KLHL20: variants seen among roughly 807,000 people sequenced by gnomAD.
KLHL20 encodes the protein kelch like family member 20, also known as kelch-like protein 20.
A neutral mutation model predicts 69.5 loss-of-function variants in KLHL20; 29 were observed. The observed-to-expected ratio is 0.42, with a 90% CI of 0.31 to 0.57. The LOEUF (loss-of-function observed/expected upper bound fraction) is 0.57, where lower values mean the gene tolerates loss of function less well. Among genes scored for constraint, KLHL20 ranks in the 20% least tolerant of loss-of-function variants. The probability of loss-of-function intolerance (pLI) is 0.18; values close to 1 mark genes in which losing one functional copy is unlikely to be tolerated. For missense variants in KLHL20, 419 were observed against 776.0 expected (o/e 0.54, Z 5.47); for synonymous variants, 253 against 265.2 (o/e 0.95, Z 0.45).
At chr1:173,774,902 C>A (rs1294537823) in intron 9 of KLHL20, among the ~76,000 whole-genome samples, 1 of 152,172 alleles carries the variant, frequency 6.6e-6, no homozygotes, top group Non-Finnish European at 1.5e-5. Flanking sequence ...CCTCTACCTC[C>A]CGGACTCAAG....
At chr1:173,732,483 G>T (rs1310958696) in intron 2 of KLHL20, among the ~76,000 whole-genome samples, 2 of 152,132 alleles carry the variant, frequency 1.3e-5, no homozygotes, top group Admixed American at 1.3e-4. Context: ...ATAACCTGCA[G>T]TTTACGAGGG....
chr1:173,730,625 T>G (rs1378122443), intron 2 of KLHL20, among the ~76,000 whole-genome samples: 1 of 152,204 alleles, frequency 6.6e-6, no homozygotes, highest in Non-Finnish European at 1.5e-5. Context: ...GGGGAAAGGA[T>G]TCCCTATTTA....
chr1:173,725,625 A>C (rs952848259), intron 2 of KLHL20, among the ~76,000 whole-genome samples: 1 of 152,232 alleles, frequency 6.6e-6, no homozygotes, highest in African/African-American at 2.4e-5. Flanking sequence ...GCAGCTTCTA[A>C]AGAATATGTC....
chr1:173,752,033 C>A (rs112523660), intron 4 of KLHL20, 111 bp downstream of exon 4: 1 of 933,352 alleles, frequency 1.1e-6, no homozygotes, highest in Non-Finnish European at 1.6e-6. Flanking sequence ...GTCAAGAGAT[C>A]GAGACCATCC....
At chr1:173,780,474 AAGAC>A (rs745314537) in intron 10 of KLHL20, among the ~76,000 whole-genome samples, 81 of 152,160 alleles carry the variant, frequency 5.3e-4, no homozygotes, top group Non-Finnish European at 8.1e-4. Flanking sequence ...GCTTTTCTAA[AAGAC>A]AGACAGAAAA....
chr1:173,739,168 A>G (rs1020296701), intron 3 of KLHL20, among the ~76,000 whole-genome samples: 2 of 151,678 alleles, frequency 1.3e-5, no homozygotes, highest in Non-Finnish European at 2.9e-5. Flanking sequence ...CACCTCCCAC[A>G]TTCAAGCGAT....
intron 1 of KLHL20, 138 bp from the exon 2 acceptor site, chr1:173,715,865 C>T: frequency 1.7e-6 from 1 of 577,380 alleles, no homozygotes; most frequent in Non-Finnish European, 3.1e-6. Context: ...AGTTATTGTG[C>T]ATCTGCAGAA....
intron 5 of KLHL20, among the ~76,000 whole-genome samples, chr1:173,755,446 A>G (rs1252061332): frequency 6.6e-6 from 1 of 152,162 alleles, no homozygotes; most frequent in Non-Finnish European, 1.5e-5. Flanking sequence ...TAAACCATTC[A>G]TATGTTACCA....
At chr1:173,717,169 CTGAT>C (rs1372230894) in intron 2 of KLHL20, among the ~76,000 whole-genome samples, 3 of 152,178 alleles carry the variant, frequency 2.0e-5, no homozygotes, top group Admixed American at 6.5e-5. Context: ...GCAAAACCCA[CTGAT>C]TGTGTCTCAT....
At chr1:173,724,551 C>G (rs1168664236) in intron 2 of KLHL20, among the ~76,000 whole-genome samples, 4 of 152,108 alleles carry the variant, frequency 2.6e-5, no homozygotes, top group Non-Finnish European at 4.4e-5. Flanking sequence ...ATACAAAAAT[C>G]CAAATATCTT....
chr1:173,729,007 G>A (rs1672118312), intron 2 of KLHL20, among the ~76,000 whole-genome samples: 1 of 151,986 alleles, frequency 6.6e-6, no homozygotes, highest in Non-Finnish European at 1.5e-5. Context: ...GAAAAGAGAA[G>A]AATCAAATAG....
chr1:173,750,386 T>C (rs1673251628), intron 3 of KLHL20, among the ~76,000 whole-genome samples: 1 of 152,182 alleles, frequency 6.6e-6, no homozygotes, highest in Non-Finnish European at 1.5e-5. Flanking sequence ...TACGGCGTAC[T>C]GCAGCCTTGA....
intron 4 of KLHL20, among the ~76,000 whole-genome samples, chr1:173,752,321 G>A (rs1463765632): frequency 6.6e-6 from 1 of 151,942 alleles, no homozygotes; most frequent in Non-Finnish European, 1.5e-5. Context: ...ACATTCGTCT[G>A]TAAGAAAGTC....
intron 8 of KLHL20, among the ~76,000 whole-genome samples, chr1:173,768,592 A>G (rs996131583): frequency 6.6e-6 from 1 of 152,202 alleles, no homozygotes; most frequent in Non-Finnish European, 1.5e-5. Flanking sequence ...GTTTTTTAAT[A>G]TCTCCAAATG....
intron 8 of KLHL20, among the ~76,000 whole-genome samples, chr1:173,772,973 T>G (rs1346700662): frequency 6.6e-6 from 1 of 152,130 alleles, no homozygotes; most frequent in East Asian, 1.9e-4. Flanking sequence ...AAGAGACTTT[T>G]TAATTTAATC....
intron 2 of KLHL20, among the ~76,000 whole-genome samples, chr1:173,719,215 C>T (rs1671608603): frequency 6.6e-6 from 1 of 151,956 alleles, no homozygotes; most frequent in Non-Finnish European, 1.5e-5. Flanking sequence ...CTTAGTTAAC[C>T]AGTCCCATTT....
At chr1:173,747,731 T>C (rs1203559197) in intron 3 of KLHL20, among the ~76,000 whole-genome samples, 1 of 152,014 alleles carries the variant, frequency 6.6e-6, no homozygotes, top group Non-Finnish European at 1.5e-5. Flanking sequence ...TTTCTTTTTC[T>C]ATGTGGAATC....
chr1:173,775,739 T>C lies in KLHL20; in HGVS notation c.1535T>C (p.Val512Ala). The C allele has an allele frequency of 1.2e-6, 2 of 1,614,112 alleles. No homozygotes were observed. The highest frequency in any genetic ancestry group is 4.5e-5 in the East Asian group (2 of 44,876). The part of the protein sequence containing the change: ...CAVYQDMIYA[V>A]GGRDDTTELS... ...GTATATCAGGACATGATCTATGCTG[T>C]AGGAGGTAGAGATGACACTACAGAG... The change falls in exon 10 of 12, where the codon GTA (valine) becomes GCA (alanine). Residue 512 changes from valine (V) to alanine (A), a missense_variant. Val to Ala is a moderately conservative substitution (Grantham distance 64, BLOSUM62 0). Around this residue, in one of 6 missense-constraint regions of KLHL20, gnomAD observed 79 missense variants for 154.4 expected, o/e 0.51. Coordinates refer to ENST00000209884, the MANE Select transcript of KLHL20 (RefSeq NM_014458.4).
intron 3 of KLHL20, 51 bp downstream of exon 3, chr1:173,734,337 G>A: frequency 6.8e-7 from 1 of 1,476,342 alleles, no homozygotes; most frequent in Non-Finnish European, 9.5e-7. Context: ...GAGCAATATG[G>A]GTTCACATTC....
Sources: allele counts gnomAD v4.1 joint callset (sites outside exome capture counted in the v4.1 genomes callset), GRCh38; gene constraint gnomAD v4.1.1; regional missense constraint gnomAD v4.1.1; transcripts MANE v1.5; gene names NCBI Gene and HGNC (gene_info 2026-07-23, HGNC 2026-07-21).